The following BLTP2 variants were observed in gnomAD, a reference collection of about 807,000 sequenced individuals.
The protein encoded by BLTP2 is bridge-like lipid transfer protein family member 2, also known as U937-associated antigen.
chr17:28,642,679 T>C, the BLTP2 span, among the ~76,000 whole-genome samples: 46 of 152,246 alleles, frequency 3.0e-4, no homozygotes, highest in African/African-American at 1.1e-3. Context: ...AAAGAGAACT[T>C]GGTCCCTTTC....
chr17:28,643,320 A>G, the BLTP2 span: 1 of 1,613,654 alleles, frequency 6.2e-7, no homozygotes, highest in Non-Finnish European at 8.5e-7. Context: ...GTCTGCCCAG[A>G]AGAGAAATCT....
chr17:28,624,339 A>T, the BLTP2 span: 5 of 1,614,132 alleles, frequency 3.1e-6, no homozygotes, highest in Non-Finnish European at 8.5e-7. Flanking sequence ...CTCTTCTGTG[A>T]ACACTACAAA....
At chr17:28,628,149 G>T in the BLTP2 span, 1 of 885,112 alleles carries the variant, frequency 1.1e-6, no homozygotes, top group Non-Finnish European at 1.8e-6. Context: ...AAAAATAATA[G>T]TTTCACTTCT....
the BLTP2 span, chr17:28,616,114 T>G: frequency 6.2e-7 from 1 of 1,613,510 alleles, no homozygotes; most frequent in Non-Finnish European, 8.5e-7. This position sits in a 1 kb window ranked among gnomAD's most constrained non-coding sequence, Gnocchi z 4.8. Flanking sequence ...TGACACACAG[T>G]GGAACCTGTG....
At chr17:28,624,329 C>T in the BLTP2 span, 1 of 1,614,126 alleles carries the variant, frequency 6.2e-7, no homozygotes, top group Non-Finnish European at 8.5e-7. Flanking sequence ...TGCCTGATTC[C>T]TCTTCTGTGA....
the BLTP2 span, chr17:28,616,342 T>C: frequency 2.5e-6 from 4 of 1,613,702 alleles, no homozygotes; most frequent in Non-Finnish European, 3.4e-6. The surrounding 1 kb of genome is among the most constrained non-coding windows in gnomAD (Gnocchi z 4.8). Context: ...ACCTCAAGAC[T>C]CTCCCATTTT....
At chr17:28,615,968 A>T in the BLTP2 span, 1 of 1,005,878 alleles carries the variant, frequency 9.9e-7, no homozygotes, top group African/African-American at 1.6e-5. Context: ...AGGGGAGCAG[A>T]GGGAACAGCA....
the BLTP2 span, chr17:28,643,983 T>TA: frequency 1.0e-5 from 16 of 1,524,122 alleles, no homozygotes; most frequent in Admixed American, 2.2e-5. Flanking sequence ...TTTCTATTTT[T>TA]AAAAAAAGGA....
At chr17:28,638,147 T>C in the BLTP2 span, 3 of 1,599,198 alleles carry the variant, frequency 1.9e-6, no homozygotes, top group Admixed American at 3.4e-5. Context: ...CACAGTTTTA[T>C]AATGCCCTAA....
the BLTP2 span, chr17:28,643,767 A>G: frequency 8.9e-7 from 1 of 1,124,804 alleles, no homozygotes. Flanking sequence ...TTTCATAGCC[A>G]TGTTGCCTTG....
At chr17:28,631,864 T>G in the BLTP2 span, 2 of 1,614,210 alleles carry the variant, frequency 1.2e-6, no homozygotes, top group Non-Finnish European at 8.5e-7. Flanking sequence ...GACATGGCCC[T>G]GACTGCACTC....
At chr17:28,617,134 C>A in the BLTP2 span, 1 of 1,224,720 alleles carries the variant, frequency 8.2e-7, no homozygotes, top group East Asian at 2.4e-5. Flanking sequence ...CTCAGATCAC[C>A]ACATTGTTTT....
the BLTP2 span, among the ~76,000 whole-genome samples, chr17:28,632,696 CTG>C: frequency 6.6e-6 from 1 of 152,258 alleles, no homozygotes; most frequent in African/African-American, 2.4e-5. Flanking sequence ...GCCTCCAGAA[CTG>C]TGAGAGATAA....
At chr17:28,642,561 G>T in the BLTP2 span, 1 of 575,628 alleles carries the variant, frequency 1.7e-6, no homozygotes, top group Non-Finnish European at 3.1e-6. Context: ...TGAGGCAGGA[G>T]AATGGTCTGA....
At chr17:28,643,991 G>A in the BLTP2 span, 196 of 1,530,202 alleles carry the variant, frequency 1.3e-4, no homozygotes, top group Non-Finnish European at 1.7e-4. Flanking sequence ...TTTAAAAAAA[G>A]GAAATTAAGA....
chr17:28,637,803 C>T, the BLTP2 span: 12 of 1,596,780 alleles, frequency 7.5e-6, no homozygotes, highest in South Asian at 1.2e-4. Flanking sequence ...TCCCAAGTAG[C>T]ACACTTCAGT....
chr17:28,618,579 G>A, the BLTP2 span: 5 of 420,866 alleles, frequency 1.2e-5, no homozygotes, highest in African/African-American at 9.9e-5. Flanking sequence ...TATGGCATCA[G>A]AGCTATATGT....
the BLTP2 span, chr17:28,637,224 T>C: frequency 3.7e-6 from 5 of 1,364,700 alleles, no homozygotes; most frequent in Middle Eastern, 1.8e-4. Flanking sequence ...AGGGCAACAA[T>C]AGTCCTCACT....
chr17:28,642,081 G>A, the BLTP2 span: 1 of 1,613,244 alleles, frequency 6.2e-7, no homozygotes, highest in South Asian at 1.1e-5. Flanking sequence ...GTGTCCTCCT[G>A]TGGGGATGAT....
Sources: gnomAD v4.1 joint callset for allele counts (sites outside exome capture counted in the v4.1 genomes callset) on GRCh38, gnomAD v4.1.1 for gene constraint, Gnocchi (gnomAD v3.1) non-coding constraint, MANE v1.5 for transcripts, NCBI Gene and HGNC (gene_info 2026-07-23, HGNC 2026-07-21) for gene names.